The following ERC2 variants were observed in gnomAD, a reference collection of about 807,000 sequenced individuals.
ERC2 encodes ERC protein 2.
In ERC2, 42 loss-of-function variants were observed where a neutral mutation model predicts 114.8. That is an observed-to-expected ratio of 0.37 (90% CI 0.29 to 0.47). ERC2 has a LOEUF of 0.47. ERC2 is among the 20% of genes least tolerant of loss of function. ERC2 has a pLI of 0.99. For missense variants in ERC2, 939 were observed against 1,150.7 expected, an observed-to-expected ratio of 0.82 and a Z score of 2.66; for synonymous variants, 454 against 425.5, an observed-to-expected ratio of 1.07 and a Z score of -0.82.
chr3:56,373,975 C>T (rs1560696742), intron 2 of ERC2, among the ~76,000 whole-genome samples: 1 of 152,118 alleles, frequency 6.6e-6, no homozygotes, highest in African/African-American at 2.4e-5. Flanking sequence ...CTTTGATCCT[C>T]GTTGGCTGAC....
chr3:56,241,624 T>A lies in ERC2; in HGVS notation c.1074+54395A>T, dbSNP rs79157728. On this transcript the variant is annotated intron_variant, in intron 3 of 17. Coordinates refer to ENST00000288221, the MANE Select transcript of ERC2 (RefSeq NM_015576.3). Reference sequence around the variant, plus strand: ...TGTATATATGATCATAGAGATAAGATCATAGATCATAGAGCTATACATATG... The same window carrying A: ...TGTATATATGATCATAGAGATAAGAACATAGATCATAGAGCTATACATATG... Among the ~76,000 whole-genome samples, 27 of 152,288 alleles carry A rather than the reference T, an allele frequency of 1.8e-4. No homozygotes were observed. In the East Asian group the frequency reaches 4.6e-3, roughly 26 times the overall value.
At chr3:55,810,415 A>G (rs1188286064) in intron 14 of ERC2, among the ~76,000 whole-genome samples, 1 of 151,716 alleles carries the variant, frequency 6.6e-6, no homozygotes. Context: ...CTACATAGTA[A>G]CCTGAGTTTT....
chr3:56,010,144 A>G (rs762152364), intron 9 of ERC2, among the ~76,000 whole-genome samples: 1 of 152,200 alleles, frequency 6.6e-6, no homozygotes, highest in Non-Finnish European at 1.5e-5. Flanking sequence ...GCAAGGGATC[A>G]TGGGCCTGTG....
intron 17 of ERC2, among the ~76,000 whole-genome samples, chr3:55,659,765 C>T (rs1043875396): frequency 6.6e-6 from 1 of 152,040 alleles, no homozygotes; most frequent in Non-Finnish European, 1.5e-5. Context: ...CATAGGTAGG[C>T]TCCCAGATCA....
Position 56,296,197 on chromosome 3 carries a change from T to C in ERC2, c.896A>G (p.Asn299Ser), listed in dbSNP as rs1230555505. ...LRIETQKQTLNARDESIKKLL... is the reference protein window; with the variant it reads ...LRIETQKQTLSARDESIKKLL... ...TTTTTTAATTGACTCATCTCGGGCA[T>C]TGAGGGTTTGTTTCTGCGTTTCAAT... Residue 299 changes from asparagine (N) to serine (S), a missense_variant, in exon 3 of 18, where the codon AAT becomes AGT. Asn to Ser is a conservative substitution (Grantham distance 46). Transcript: ENST00000288221. 5.6e-6 allele frequency: 9 copies of C among 1,613,934 alleles called. No individual in the cohort carries two copies. The highest frequency in any genetic ancestry group is 4.0e-5 in the African/African-American group (3 of 74,952).
chr3:56,159,977 T>C (rs1373281999), intron 4 of ERC2, among the ~76,000 whole-genome samples: 1 of 152,192 alleles, frequency 6.6e-6, no homozygotes, highest in Non-Finnish European at 1.5e-5. Flanking sequence ...CATTTAAGTG[T>C]ATGTGTCTTT....
At chr3:55,646,939 A>G (rs923510650) in intron 17 of ERC2, 1 of 152,180 alleles carries the variant, frequency 6.6e-6, no homozygotes, top group African/African-American at 2.4e-5. Context: ...ACAGTCCTAA[A>G]AGATATGCTC....
At chr3:56,146,789 G>T (rs1379940657) in intron 5 of ERC2, among the ~76,000 whole-genome samples, 1 of 151,744 alleles carries the variant, frequency 6.6e-6, no homozygotes, top group African/African-American at 2.4e-5. Flanking sequence ...AGACTTGCTG[G>T]AGTCTGCTTT....
chr3:56,040,611 A>AATATATAGATGTATAGGTATATATAC (rs2075105902), intron 7 of ERC2, among the ~76,000 whole-genome samples: 1 of 33,108 alleles, frequency 3.0e-5, no homozygotes, highest in Non-Finnish European at 4.8e-5. Context: ...ATGTATATAT[A>AATATATAGATGTATAGGTATATATAC]ATATATAGAT....
intron 16 of ERC2, among the ~76,000 whole-genome samples, chr3:55,696,474 T>TA (rs2062935671): frequency 6.6e-6 from 1 of 152,240 alleles, no homozygotes; most frequent in African/African-American, 2.4e-5. Flanking sequence ...AACATTTAGT[T>TA]AAAATCTCAT....
chr3:56,312,828 A>C (rs1179872599), intron 2 of ERC2, among the ~76,000 whole-genome samples: 1 of 150,928 alleles, frequency 6.6e-6, no homozygotes, highest in Non-Finnish European at 1.5e-5. Context: ...GAATATGTGA[A>C]TATACTGGTT....
chr3:56,117,504 G>T (rs987879151), intron 6 of ERC2, among the ~76,000 whole-genome samples: 1 of 152,138 alleles, frequency 6.6e-6, no homozygotes, highest in Non-Finnish European at 1.5e-5. Context: ...TGAGTAGAGC[G>T]CTTGGCCCCA....
intron 16 of ERC2, among the ~76,000 whole-genome samples, chr3:55,693,867 C>T (rs2062794112): frequency 6.6e-6 from 1 of 152,008 alleles, no homozygotes; most frequent in Non-Finnish European, 1.5e-5. Context: ...CACCACCACA[C>T]CCGGCTAATT....
At chr3:55,770,549 A>G (rs949226671) in intron 14 of ERC2, among the ~76,000 whole-genome samples, 1 of 152,008 alleles carries the variant, frequency 6.6e-6, no homozygotes, top group African/African-American at 2.4e-5. Flanking sequence ...ATTTCCTACC[A>G]TCTTTCCAAC....
At chr3:56,438,776 G>A (rs909736764) in intron 1 of ERC2, among the ~76,000 whole-genome samples, 6 of 152,020 alleles carry the variant, frequency 3.9e-5, no homozygotes, top group South Asian at 4.2e-4. Context: ...TTGAGGTCCC[G>A]GAATGTCATA....
At chr3:56,170,592 T>TTTTG (rs561821980) in intron 4 of ERC2, among the ~76,000 whole-genome samples, 2,756 of 20,742 alleles carry the variant, frequency 0.13, 187 homozygotes, top group African/African-American at 0.2. Flanking sequence ...TCTGTTTTTT[T>TTTTG]TTTTTTTTTT....
chr3:55,564,765 G>A (rs564236475), intron 17 of ERC2, among the ~76,000 whole-genome samples: 6 of 152,282 alleles, frequency 3.9e-5, no homozygotes, highest in Admixed American at 6.5e-5. Flanking sequence ...ATCCCCATTC[G>A]TGTGGCCAAA....
intron 17 of ERC2, among the ~76,000 whole-genome samples, chr3:55,544,497 A>G (rs888229786): frequency 8.6e-5 from 13 of 151,986 alleles, no homozygotes; most frequent in African/African-American, 3.1e-4. Flanking sequence ...CCCCCACCCC[A>G]TATCAGTGGG....
chr3:56,386,296 G>A (rs1228538968), intron 2 of ERC2, among the ~76,000 whole-genome samples: 1 of 152,078 alleles, frequency 6.6e-6, no homozygotes, highest in Admixed American at 6.6e-5. Flanking sequence ...AATATTAACA[G>A]TAATAATTAA....
Sources: gnomAD v4.1 joint callset for allele counts (sites outside exome capture counted in the v4.1 genomes callset) on GRCh38, gnomAD v4.1.1 for gene constraint, MANE v1.5 for transcripts, NCBI Gene and HGNC (gene_info 2026-07-23, HGNC 2026-07-21) for gene names.